The following DCBLD2 variants were observed in gnomAD, a reference collection of about 807,000 sequenced individuals.
The protein encoded by DCBLD2 is discoidin, CUB and LCCL domain-containing protein 2.
Under a neutral mutation model 86.8 loss-of-function variants are expected in DCBLD2, and 54 were observed. The ratio of observed to expected loss-of-function variants is 0.62; its 90% CI spans 0.50 to 0.78. DCBLD2 has a LOEUF of 0.78. Among genes scored for constraint, DCBLD2 ranks in the 30% least tolerant of loss-of-function variants. DCBLD2 has a pLI of 0.00. For synonymous variants in DCBLD2, 354 were observed against 341.3 expected (o/e 1.04, Z -0.41); for missense variants, 908 against 954.2 (o/e 0.95, Z 0.64).
At chr3:98,878,562 T>C (rs1301743743) in intron 2 of DCBLD2, among the ~76,000 whole-genome samples, 2 of 152,250 alleles carry the variant, frequency 1.3e-5, no homozygotes, top group Non-Finnish European at 1.5e-5. Flanking sequence ...TTTGTTTCTA[T>C]CCTGTAATTC....
rs553833378 is a variant in DCBLD2, at chr3:98,862,562, A to T, written c.434-12964T>A. On this transcript the variant is annotated intron_variant, in intron 2 of 15. Transcript: ENST00000326840. ...CATCTCTGGGATGCAAGGCTGGTTGAACATATGCAAATCCATAAACGTAAT... is the reference window on the plus strand; with the variant it reads ...CATCTCTGGGATGCAAGGCTGGTTGTACATATGCAAATCCATAAACGTAAT... Among the ~76,000 whole-genome samples the T allele has an allele frequency of 6.6e-5, 10 of 152,370 alleles. No homozygotes were observed. In the East Asian group the frequency reaches 1.7e-3, roughly 26 times the overall value.
At chr3:98,804,171 G>T (rs1451838918) in intron 13 of DCBLD2, among the ~76,000 whole-genome samples, 2 of 151,754 alleles carry the variant, frequency 1.3e-5, no homozygotes, top group Admixed American at 1.3e-4. Context: ...GAATCCGTCT[G>T]GTCCTGGACT....
rs762269155 is a variant in DCBLD2 at position 98,811,518 on chromosome 3, C to A, written c.1400G>T (p.Arg467Leu). 6.2e-7 allele frequency: 1 copy of A among 1,604,876 alleles called. No homozygotes were observed. The highest frequency in any genetic ancestry group is 1.1e-5 in the South Asian group (1 of 88,738). ...PPKLTQPPPP[R>L]NSNDLKNTTA... ...AGTGTTTTTGAGGTCATTGCTGTTC[C>A]GAGGAGGTGGAGGTTGAGTAAGTTT... is the stretch of plus-strand genomic sequence containing the variant. Residue 467 changes from arginine (R) to leucine (L), a missense_variant, in exon 11 of 16, where the codon CGG (arginine) becomes CTG (leucine). Physicochemically the swap from Arg to Leu is moderately radical, Grantham distance 102. Around this residue, in one of 3 missense-constraint regions of DCBLD2, gnomAD observed 606 missense variants for 678.5 expected, o/e 0.89. Transcript: ENST00000326840.
At position 98,799,547 on chromosome 3, in the gene DCBLD2, A is replaced by C. The variant is rs773692201; in HGVS notation, c.2153T>G (p.Leu718Arg). 5.0e-6 allele frequency: 8 copies of C among 1,613,950 alleles called. No individual in the cohort carries two copies. The South Asian group carries it at 8.8e-5, about 18-fold the overall frequency. The change falls in exon 16 of 16, where the codon CTT becomes CGT. Residue 718 changes from leucine to arginine, a missense_variant. Transcript: ENST00000326840. ...PPPLVGTYNTLLSRTDSCSSA... is the reference protein window; with the variant it reads ...PPPLVGTYNTRLSRTDSCSSA... The stretch of plus-strand genomic sequence containing the variant: ...GGAGCAGCTGTCAGTCCTGGAGAGA[A>C]GTGTATTGTAAGTTCCCACTAGTGG...
intron 8 of DCBLD2, among the ~76,000 whole-genome samples, chr3:98,818,661 A>G (rs894789270): frequency 8.5e-5 from 13 of 152,240 alleles, no homozygotes; most frequent in Admixed American, 3.3e-4. Flanking sequence ...AATCTGCATC[A>G]GCACGGCCAG....
chr3:98,826,188 A>G (rs1220351090), intron 3 of DCBLD2, among the ~76,000 whole-genome samples: 1 of 152,174 alleles, frequency 6.6e-6, no homozygotes, highest in Non-Finnish European at 1.5e-5. Flanking sequence ...AAAAAACAAA[A>G]CAAAACACAC....
At chr3:98,889,970 T>C (rs1275465632) in intron 1 of DCBLD2, among the ~76,000 whole-genome samples, 1 of 151,954 alleles carries the variant, frequency 6.6e-6, no homozygotes, top group Admixed American at 6.6e-5. Flanking sequence ...CCACCCCCCA[T>C]CTACCACCTT....
At chr3:98,885,629 T>C (rs1411686226) in intron 1 of DCBLD2, among the ~76,000 whole-genome samples, 2 of 152,084 alleles carry the variant, frequency 1.3e-5, no homozygotes, top group Non-Finnish European at 2.9e-5. Flanking sequence ...AAATTAGAAA[T>C]GTGTTTCCAG....
chr3:98,894,184 G>A (rs1943711841), intron 1 of DCBLD2, among the ~76,000 whole-genome samples: 1 of 152,146 alleles, frequency 6.6e-6, no homozygotes, highest in African/African-American at 2.4e-5. Context: ...TGAGGCTAAT[G>A]TCAGGCCTAA....
chr3:98,816,939 G>A (rs1361742740), intron 9 of DCBLD2, among the ~76,000 whole-genome samples: 2 of 152,040 alleles, frequency 1.3e-5, no homozygotes, highest in East Asian at 3.9e-4. Context: ...GCGCCACCAT[G>A]CCTGGCTAAT....
chr3:98,870,763 A>AAGAAAG (rs1491038052), intron 2 of DCBLD2, among the ~76,000 whole-genome samples: 2 of 135,898 alleles, frequency 1.5e-5, no homozygotes, highest in African/African-American at 5.4e-5. Context: ...GAAAGAAAGA[A>AAGAAAG]AGAAAGAAAG....
At chr3:98,806,392 C>A (rs1227357685) in intron 13 of DCBLD2, among the ~76,000 whole-genome samples, 1 of 152,218 alleles carries the variant, frequency 6.6e-6, no homozygotes, top group Admixed American at 6.5e-5. Flanking sequence ...CTCATCACTA[C>A]TATCACTGTT....
chr3:98,828,810 A>G (rs1026129457), intron 3 of DCBLD2, among the ~76,000 whole-genome samples: 2 of 152,218 alleles, frequency 1.3e-5, no homozygotes, highest in Non-Finnish European at 2.9e-5. Flanking sequence ...ATATACATAC[A>G]ATGGAATATT....
chr3:98,864,242 T>C (rs1473865152), intron 2 of DCBLD2, among the ~76,000 whole-genome samples: 1 of 152,216 alleles, frequency 6.6e-6, no homozygotes, highest in Non-Finnish European at 1.5e-5. Context: ...AGGAACACTT[T>C]TAAATTGTTG....
At chr3:98,818,575 T>C (rs1460812336) in intron 8 of DCBLD2, among the ~76,000 whole-genome samples, 1 of 152,190 alleles carries the variant, frequency 6.6e-6, no homozygotes, top group Non-Finnish European at 1.5e-5. Flanking sequence ...TGTGAGGGTG[T>C]TGCTAGAGGA....
chr3:98,816,902 C>T (rs1212156614), intron 9 of DCBLD2, among the ~76,000 whole-genome samples: 1 of 152,106 alleles, frequency 6.6e-6, no homozygotes, highest in Non-Finnish European at 1.5e-5. Context: ...CCACCTCAGC[C>T]TCCCAAGAAA....
intron 2 of DCBLD2, among the ~76,000 whole-genome samples, chr3:98,863,934 G>C (rs561581603): frequency 6.6e-6 from 1 of 152,034 alleles, no homozygotes. Context: ...TACAGGATGG[G>C]AGAAAATTTT....
At chr3:98,875,802 CA>C (rs1943358300) in intron 2 of DCBLD2, among the ~76,000 whole-genome samples, 1 of 151,640 alleles carries the variant, frequency 6.6e-6, no homozygotes, top group Admixed American at 6.6e-5. Context: ...ACCACTGGGA[CA>C]AAGATAAACT....
At chr3:98,848,112 A>C (rs1942761019) in intron 3 of DCBLD2, among the ~76,000 whole-genome samples, 1 of 151,992 alleles carries the variant, frequency 6.6e-6, no homozygotes. Flanking sequence ...ATTTTTCCTG[A>C]TCCTCTCCCA....
Sources: gnomAD v4.1 joint callset for allele counts (sites outside exome capture counted in the v4.1 genomes callset) on GRCh38, gnomAD v4.1.1 for gene constraint, gnomAD v4.1.1 regional missense constraint, MANE v1.5 for transcripts, NCBI Gene and HGNC (gene_info 2026-07-23, HGNC 2026-07-21) for gene names.